The following PDZD2 variants were observed in gnomAD, a reference collection of about 807,000 sequenced individuals.
The protein encoded by PDZD2 is PDZ domain containing 2.
PDZD2 carries 90 observed loss-of-function variants against 220.7 expected under a neutral mutation model. The observed-to-expected ratio is 0.41, with a 90% CI of 0.34 to 0.49. The LOEUF (loss-of-function observed/expected upper bound fraction) is 0.49. Ranked by LOEUF, PDZD2 falls within the 20% of genes least tolerant of loss-of-function variation. PDZD2 has a pLI of 0.28. For missense variants in PDZD2, 3,174 were observed against 3,608.5 expected, an observed-to-expected ratio of 0.88 and a Z score of 3.08; for synonymous variants, 1,375 against 1,450.5, an observed-to-expected ratio of 0.95 and a Z score of 1.18.
chr5:31,737,429 C>T (rs547810041), intron 1 of PDZD2, among the ~76,000 whole-genome samples: 1 of 152,132 alleles, frequency 6.6e-6, no homozygotes, highest in South Asian at 2.1e-4. Context: ...GCCTTGGCCT[C>T]CCAAAGTGCT....
At chr5:31,867,138 A>G (rs1288160418) in intron 2 of PDZD2, among the ~76,000 whole-genome samples, 2 of 152,156 alleles carry the variant, frequency 1.3e-5, no homozygotes, top group Non-Finnish European at 2.9e-5. Flanking sequence ...TCCACCAGGT[A>G]TCCTTTAAAA....
intron 2 of PDZD2, among the ~76,000 whole-genome samples, chr5:31,909,593 A>G (rs1161477816): frequency 6.6e-6 from 1 of 152,338 alleles, no homozygotes; most frequent in Non-Finnish European, 1.5e-5. Context: ...CAACATTAAT[A>G]TACACGAAAT....
At chr5:31,848,396 G>A (rs1450724079) in intron 2 of PDZD2, among the ~76,000 whole-genome samples, 1 of 152,178 alleles carries the variant, frequency 6.6e-6, no homozygotes, top group African/African-American at 2.4e-5. Flanking sequence ...GTATAAAGGT[G>A]AACCTTGATT....
At chr5:31,651,262 T>C (rs951469417) in intron 1 of PDZD2, among the ~76,000 whole-genome samples, 3 of 152,230 alleles carry the variant, frequency 2.0e-5, no homozygotes, top group African/African-American at 4.8e-5. Flanking sequence ...CTGGCAAATA[T>C]AGCTGCTCTC....
chr5:31,766,652 A>G (rs957030979), intron 1 of PDZD2, among the ~76,000 whole-genome samples: 1 of 152,118 alleles, frequency 6.6e-6, no homozygotes, highest in Non-Finnish European at 1.5e-5. Flanking sequence ...TCAGCCTCCC[A>G]AAGTGCTGGG....
intron 2 of PDZD2, among the ~76,000 whole-genome samples, chr5:31,861,186 G>C (rs976810982): frequency 6.6e-6 from 1 of 152,162 alleles, no homozygotes; most frequent in Non-Finnish European, 1.5e-5. Context: ...TGCAGCCACT[G>C]TGCAGGAGAG....
chr5:31,797,094 ATTTTTTTTTTTTTTT>A (rs756548601), intron 1 of PDZD2, among the ~76,000 whole-genome samples: 48 of 66,544 alleles, frequency 7.2e-4, no homozygotes, highest in Non-Finnish European at 9.4e-4. Flanking sequence ...CACCCAGCTA[ATTTTTTTTTTTTTTT>A]TTTTTTTTTT....
chr5:31,888,822 G>A (rs1740756284), intron 2 of PDZD2, among the ~76,000 whole-genome samples: 1 of 151,812 alleles, frequency 6.6e-6, no homozygotes, highest in South Asian at 2.1e-4. Flanking sequence ...TAGGAAGTCA[G>A]TCTGGGATGA....
At chr5:32,070,617 T>C (rs1346154395) in intron 15 of PDZD2, among the ~76,000 whole-genome samples, 2 of 152,260 alleles carry the variant, frequency 1.3e-5, no homozygotes, top group Non-Finnish European at 2.9e-5. Flanking sequence ...TTCATGAGTT[T>C]CTTGGGTGAT....
chr5:31,974,261 T>G (rs10063120), intron 2 of PDZD2, among the ~76,000 whole-genome samples: 79,536 of 152,032 alleles, frequency 0.52, 21,201 homozygotes, highest in East Asian at 0.71. Flanking sequence ...GATTACAGGC[T>G]TGAGCCACCG....
At chr5:32,034,910 A>C (rs1202548299) in intron 6 of PDZD2, among the ~76,000 whole-genome samples, 1 of 152,164 alleles carries the variant, frequency 6.6e-6, no homozygotes, top group African/African-American at 2.4e-5. Context: ...GGGAATCTCT[A>C]AAATCACCCT....
intron 2 of PDZD2, among the ~76,000 whole-genome samples, chr5:31,888,333 C>T (rs1324961724): frequency 6.6e-6 from 1 of 152,166 alleles, no homozygotes; most frequent in Non-Finnish European, 1.5e-5. Context: ...GCTGGGATTA[C>T]AGGCGTGCCG....
At chr5:31,942,660 C>T (rs1236091013) in intron 2 of PDZD2, among the ~76,000 whole-genome samples, 10 of 152,172 alleles carry the variant, frequency 6.6e-5, no homozygotes, top group African/African-American at 4.8e-5. Flanking sequence ...TGTAAGACTG[C>T]GTCTCAGTTT....
chr5:31,894,914 A>T (rs1438512050), intron 2 of PDZD2, among the ~76,000 whole-genome samples: 1 of 151,692 alleles, frequency 6.6e-6, no homozygotes, highest in African/African-American at 2.4e-5. Flanking sequence ...CCCTTGATGG[A>T]GTCTCACCCC....
intron 1 of PDZD2, among the ~76,000 whole-genome samples, chr5:31,683,427 G>A (rs554441882): frequency 1.3e-5 from 2 of 152,126 alleles, no homozygotes; most frequent in East Asian, 1.9e-4. Context: ...TAATTTCACC[G>A]TTCAAATAGT....
chr5:31,810,675 C>T (rs1327163432), intron 2 of PDZD2, among the ~76,000 whole-genome samples: 2 of 152,154 alleles, frequency 1.3e-5, no homozygotes, highest in African/African-American at 2.4e-5. Flanking sequence ...GTAGGTGAGC[C>T]GTTCCTATGA....
chr5:32,039,813 G>T (rs2112237892), intron 7 of PDZD2, among the ~76,000 whole-genome samples: 1 of 151,494 alleles, frequency 6.6e-6, no homozygotes, highest in South Asian at 2.1e-4. Context: ...GATGTGAGGA[G>T]CGCCTCTGCC....
chr5:31,841,485 T>C (rs1311935664), intron 2 of PDZD2, among the ~76,000 whole-genome samples: 1 of 151,876 alleles, frequency 6.6e-6, no homozygotes, highest in Non-Finnish European at 1.5e-5. Flanking sequence ...CCATCCTGGC[T>C]AACATGGTGA....
At chr5:32,055,686 T>C (rs1323782961) in intron 10 of PDZD2, among the ~76,000 whole-genome samples, 1 of 152,212 alleles carries the variant, frequency 6.6e-6, no homozygotes, top group Non-Finnish European at 1.5e-5. Context: ...TTTTTGGAAC[T>C]GATGAGAATG....
Sources: gnomAD v4.1 joint callset for allele counts (sites outside exome capture counted in the v4.1 genomes callset) on GRCh38, gnomAD v4.1.1 for gene constraint, MANE v1.5 for transcripts, NCBI Gene and HGNC (gene_info 2026-07-23, HGNC 2026-07-21) for gene names.